Variants in SPAG16 observed in about 807,000 individuals in gnomAD.
The protein encoded by SPAG16 is sperm-associated antigen 16 protein.
Under a neutral mutation model 80.4 loss-of-function variants are expected in SPAG16, and 86 were observed. That is an observed-to-expected ratio of 1.07 (90% CI 0.90 to 1.28). The LOEUF (loss-of-function observed/expected upper bound fraction) is 1.28. SPAG16 is among the 50% of genes most tolerant of loss of function. The pLI, the probability that SPAG16 is intolerant of heterozygous loss-of-function variation, is 0.00. For missense variants in SPAG16, 870 were observed against 765.3 expected (o/e 1.14, Z -1.61); for synonymous variants, 294 against 265.9 (o/e 1.11, Z -1.03).
intron 9 of SPAG16, among the ~76,000 whole-genome samples, chr2:213,434,490 G>A (rs531717091): frequency 2.0e-5 from 3 of 152,230 alleles, no homozygotes; most frequent in South Asian, 4.1e-4. Flanking sequence ...AAACTAAATA[G>A]CTTCTGCCCA....
At chr2:213,609,713 G>A (rs562814593) in intron 10 of SPAG16, among the ~76,000 whole-genome samples, 2 of 152,134 alleles carry the variant, frequency 1.3e-5, no homozygotes, top group South Asian at 4.1e-4. Flanking sequence ...CACTTTATAT[G>A]TCTCTCATCA....
chr2:213,955,988 G>T (rs1286588790), intron 12 of SPAG16, among the ~76,000 whole-genome samples: 1 of 150,560 alleles, frequency 6.6e-6, no homozygotes, highest in African/African-American at 2.4e-5. Context: ...TTTATTTTTT[G>T]AGATGGAGTT....
intron 15 of SPAG16, among the ~76,000 whole-genome samples, chr2:214,390,343 A>ATTT (rs1309716108): frequency 0.033 from 3,759 of 112,822 alleles, 170 homozygotes; most frequent in East Asian, 0.18. Flanking sequence ...TTTTTTTTTA[A>ATTT]AAAAAAAAAA....
intron 11 of SPAG16, among the ~76,000 whole-genome samples, chr2:213,887,073 T>C (rs1389809498): frequency 6.6e-6 from 1 of 152,112 alleles, no homozygotes; most frequent in East Asian, 1.9e-4. Context: ...ATAAGAGTTG[T>C]AAATATAGTA....
chr2:213,714,488 T>C (rs2066145300), intron 10 of SPAG16, among the ~76,000 whole-genome samples: 1 of 152,044 alleles, frequency 6.6e-6, no homozygotes, highest in African/African-American at 2.4e-5. Context: ...ATAAAAGAGA[T>C]TTTTACAGTT....
intron 11 of SPAG16, among the ~76,000 whole-genome samples, chr2:213,918,864 G>A (rs924221546): frequency 6.6e-6 from 1 of 152,048 alleles, no homozygotes; most frequent in African/African-American, 2.4e-5. Context: ...AGTCTTGGGA[G>A]GGTGTATGTG....
chr2:213,515,550 A>G (rs1443364364), intron 10 of SPAG16, among the ~76,000 whole-genome samples: 1 of 152,196 alleles, frequency 6.6e-6, no homozygotes, highest in South Asian at 2.1e-4. Flanking sequence ...GCTTTTTAAA[A>G]TGATGTAATT....
intron 3 of SPAG16, among the ~76,000 whole-genome samples, chr2:213,307,634 T>A (rs1239085313): frequency 1.3e-5 from 2 of 151,630 alleles, no homozygotes; most frequent in Non-Finnish European, 2.9e-5. Flanking sequence ...GTTCCAAGTC[T>A]TTGCTATTGT....
At chr2:213,887,273 A>T (rs1466069625) in intron 11 of SPAG16, among the ~76,000 whole-genome samples, 2 of 152,092 alleles carry the variant, frequency 1.3e-5, no homozygotes, top group African/African-American at 4.8e-5. Context: ...TCAAGCATCT[A>T]TTGTTGCATT....
intron 10 of SPAG16, among the ~76,000 whole-genome samples, chr2:213,858,473 A>G (rs1163332207): frequency 2.0e-5 from 3 of 152,188 alleles, no homozygotes; most frequent in African/African-American, 7.2e-5. Context: ...TTGTCAGTTT[A>G]GACATAATAC....
At chr2:213,479,109 T>A (rs2125690195) in intron 9 of SPAG16, among the ~76,000 whole-genome samples, 1 of 147,798 alleles carries the variant, frequency 6.8e-6, no homozygotes, top group South Asian at 2.2e-4. Flanking sequence ...TTTTTTTTTT[T>A]TTTTTTTTTG....
At chr2:213,980,920 A>G (rs770372524) in intron 12 of SPAG16, among the ~76,000 whole-genome samples, 1 of 151,822 alleles carries the variant, frequency 6.6e-6, no homozygotes, top group Non-Finnish European at 1.5e-5. Flanking sequence ...AAAAAAAAGA[A>G]TAAGAGTAAA....
chr2:213,548,635 A>T (rs1479376863), intron 10 of SPAG16, among the ~76,000 whole-genome samples: 1 of 152,170 alleles, frequency 6.6e-6, no homozygotes, highest in Non-Finnish European at 1.5e-5. Flanking sequence ...TTTAAAAGCT[A>T]CTATTTGTGC....
intron 6 of SPAG16, among the ~76,000 whole-genome samples, chr2:213,347,669 G>T (rs535243948): frequency 2.0e-5 from 3 of 152,194 alleles, no homozygotes; most frequent in Non-Finnish European, 4.4e-5. Context: ...GGAGCAGGTT[G>T]TTCAGTTTCC....
chr2:214,012,244 A>G (rs1385248512), intron 12 of SPAG16, among the ~76,000 whole-genome samples: 1 of 127,130 alleles, frequency 7.9e-6, no homozygotes, highest in African/African-American at 2.9e-5. Flanking sequence ...TTATATATAT[A>G]TATTTTTATA....
intron 10 of SPAG16, among the ~76,000 whole-genome samples, chr2:213,724,470 AAG>A (rs368445049): frequency 7.9e-5 from 12 of 152,218 alleles, no homozygotes; most frequent in African/African-American, 2.6e-4. Context: ...GAGTAGGTCA[AAG>A]TCATTTAAAA....
At position 213,843,853 on chromosome 2, in the gene SPAG16, AAAAC is replaced by A. The variant is rs755151065; in HGVS notation, c.1071-18620_1071-18617del. On this transcript the variant is annotated intron_variant, in intron 10 of 15. Coordinates refer to ENST00000331683, the MANE Select transcript of SPAG16 (RefSeq NM_024532.5). ...GCGACAGAGTGAGACTCCATCTCAAAAAACAAACAAACAAAAAGAACCCCTTCTT... is the reference window on the plus strand; with the variant it reads ...GCGACAGAGTGAGACTCCATCTCAAAAAACAAACAAAAAGAACCCCTTCTT... 2.8e-4 allele frequency among the ~76,000 whole-genome samples: 42 copies of A among 152,272 alleles called. 1 individual carries two copies. The East Asian group carries it at 6.4e-3, about 23-fold the overall frequency.
intron 11 of SPAG16, among the ~76,000 whole-genome samples, chr2:213,919,990 A>T (rs542539985): frequency 6.6e-6 from 1 of 152,306 alleles, no homozygotes; most frequent in East Asian, 1.9e-4. Context: ...ATGCATATAT[A>T]TTTAGAATAG....
At chr2:214,369,117 A>C (rs1045361772) in intron 15 of SPAG16, among the ~76,000 whole-genome samples, 8 of 152,218 alleles carry the variant, frequency 5.3e-5, no homozygotes, top group Admixed American at 5.2e-4. Flanking sequence ...TGAGAATTCC[A>C]GTGGACAACT....
Sources: allele counts gnomAD v4.1 joint callset (sites outside exome capture counted in the v4.1 genomes callset), GRCh38; gene constraint gnomAD v4.1.1; transcripts MANE v1.5; gene names NCBI Gene and HGNC (gene_info 2026-07-23, HGNC 2026-07-21).